Variants in NAV2 observed in about 807,000 individuals in gnomAD.
NAV2 encodes neuron navigator 2.
NAV2 carries 54 observed loss-of-function variants against 223.2 expected under a neutral mutation model. The ratio of observed to expected loss-of-function variants is 0.24; its 90% CI spans 0.19 to 0.30. NAV2 has a LOEUF of 0.30. NAV2 is among the 10% of genes least tolerant of loss of function. The probability of loss-of-function intolerance (pLI) is 1.00; values close to 1 mark genes in which losing one functional copy is unlikely to be tolerated. For synonymous variants in NAV2, 1,279 were observed against 1,239.3 expected (o/e 1.03, Z -0.67); for missense variants, 2,806 against 3,147.5 (o/e 0.89, Z 2.60).
intron 1 of NAV2, among the ~76,000 whole-genome samples, chr11:19,402,777 T>C (rs1849740894): frequency 6.6e-6 from 1 of 152,220 alleles, no homozygotes; most frequent in Non-Finnish European, 1.5e-5. Flanking sequence ...TCACTGTAGT[T>C]ACCTCTGTCT....
intron 1 of NAV2, among the ~76,000 whole-genome samples, chr11:19,752,282 C>T (rs2053890129): frequency 6.6e-6 from 1 of 152,200 alleles, no homozygotes; most frequent in South Asian, 2.1e-4. Flanking sequence ...GAGCCCTGGC[C>T]TGGGTACCTG....
At chr11:19,505,013 T>TGGA (rs1249916441) in intron 1 of NAV2, 7 of 152,294 alleles carry the variant, frequency 4.6e-5, no homozygotes, top group African/African-American at 1.7e-4. Context: ...CCAGGCCTGT[T>TGGA]GGAGTCCAAA....
chr11:19,480,731 T>G lies in NAV2; in HGVS notation c.75+129704T>G, dbSNP rs193240090. Among the ~76,000 whole-genome samples, 261 of 152,320 alleles carry G rather than the reference T, an allele frequency of 1.7e-3. 1 individual carries two copies. Among genetic ancestry groups the G allele is most frequent in the African/African-American group, 4.4e-3 (182 of 41,576 alleles). On this transcript the variant is annotated intron_variant, in intron 1 of 37. Transcript: ENST00000360655. ...TGGGGCTTTATCTCCTCATGCAGAA[T>G]TGATTTGCCATAATTCTCTCCTTTG...
At chr11:19,533,183 A>C (rs1043899558) in intron 1 of NAV2, among the ~76,000 whole-genome samples, 1 of 152,170 alleles carries the variant, frequency 6.6e-6, no homozygotes, top group Non-Finnish European at 1.5e-5. Flanking sequence ...TCAACCAGGA[A>C]TATAGTGTAG....
chr11:19,519,306 T>C (rs1356297541), intron 1 of NAV2, among the ~76,000 whole-genome samples: 2 of 152,038 alleles, frequency 1.3e-5, no homozygotes, highest in Admixed American at 6.5e-5. Context: ...AGGTGCACAG[T>C]TCTGCCTTCA....
At chr11:20,000,803 C>T (rs150214743) in intron 11 of NAV2, among the ~76,000 whole-genome samples, 96 of 152,258 alleles carry the variant, frequency 6.3e-4, no homozygotes, top group African/African-American at 2.2e-3. Context: ...CTGGGACGAA[C>T]GCTTCCTCTC....
intron 1 of NAV2, among the ~76,000 whole-genome samples, chr11:19,424,548 TTTTG>T (rs917298022): frequency 1.1e-4 from 17 of 152,106 alleles, no homozygotes; most frequent in African/African-American, 4.1e-4. Context: ...TTCAGTGTTT[TTTTG>T]TTTGTTTGTT....
intron 1 of NAV2, among the ~76,000 whole-genome samples, chr11:19,386,007 A>G (rs1462335348): frequency 2.6e-5 from 4 of 151,804 alleles, no homozygotes; most frequent in East Asian, 1.9e-4. Flanking sequence ...CTCATGATCC[A>G]CCCGCCCTGG....
intron 1 of NAV2, among the ~76,000 whole-genome samples, chr11:19,788,924 T>C (rs2057331984): frequency 6.6e-6 from 1 of 152,200 alleles, no homozygotes; most frequent in South Asian, 2.1e-4. Flanking sequence ...GAGTCCCTCA[T>C]TTTATCCCTT....
chr11:19,830,316 G>T (rs180670632), intron 1 of NAV2, among the ~76,000 whole-genome samples: 1 of 152,228 alleles, frequency 6.6e-6, no homozygotes, highest in Non-Finnish European at 1.5e-5. Context: ...GGATGCCACG[G>T]AAGGGATGAA....
intron 11 of NAV2, among the ~76,000 whole-genome samples, chr11:19,988,211 C>T (rs1283163776): frequency 3.9e-5 from 6 of 152,314 alleles, no homozygotes; most frequent in South Asian, 2.1e-4. Flanking sequence ...TAGCACACAA[C>T]GGGCTGAGCC....
intron 1 of NAV2, among the ~76,000 whole-genome samples, chr11:19,603,459 C>G (rs1007157033): frequency 1.1e-4 from 16 of 151,812 alleles, no homozygotes; most frequent in African/African-American, 3.6e-4. Flanking sequence ...AATGCCATCT[C>G]TACTAAACTT....
intron 4 of NAV2, among the ~76,000 whole-genome samples, chr11:19,877,470 C>CTTTTTTTTTTTTTTTTTTTTTTTTTTCT (rs1289323253): frequency 2.4e-5 from 2 of 82,616 alleles, no homozygotes; most frequent in East Asian, 3.3e-4. Flanking sequence ...TATCTTCATT[C>CTTTTTTTTTTTTTTTTTTTTTTTTTTCT]TTTTTTTTTT....
intron 1 of NAV2, among the ~76,000 whole-genome samples, chr11:19,536,306 C>G (rs947751574): frequency 2.0e-5 from 3 of 152,174 alleles, no homozygotes; most frequent in African/African-American, 7.2e-5. Context: ...TCAAAGATCT[C>G]TCTCTGTCGA....
At chr11:19,841,584 A>C (rs953914787) in intron 2 of NAV2, among the ~76,000 whole-genome samples, 7 of 152,208 alleles carry the variant, frequency 4.6e-5, no homozygotes, top group Non-Finnish European at 1.0e-4. Flanking sequence ...GGAAACAAGA[A>C]AAGGAGGAAT....
chr11:20,081,603 G>T (rs1457247098), intron 25 of NAV2, among the ~76,000 whole-genome samples: 2 of 152,116 alleles, frequency 1.3e-5, no homozygotes, highest in Non-Finnish European at 2.9e-5. Context: ...TAATCCTTCT[G>T]TTTCTGTGAC....
chr11:19,377,620 G>T (rs912012385), intron 1 of NAV2, among the ~76,000 whole-genome samples: 3 of 152,164 alleles, frequency 2.0e-5, no homozygotes, highest in Admixed American at 6.5e-5. Flanking sequence ...ATATGAGGGG[G>T]AATTGTGGAC....
intron 1 of NAV2, among the ~76,000 whole-genome samples, chr11:19,792,974 C>T (rs1209971699): frequency 1.3e-5 from 2 of 151,306 alleles, no homozygotes; most frequent in African/African-American, 4.9e-5. Flanking sequence ...TTTGGGAGGC[C>T]GAGGTGGGTG....
chr11:19,772,282 A>C (rs184650545), intron 1 of NAV2, among the ~76,000 whole-genome samples: 1 of 152,196 alleles, frequency 6.6e-6, no homozygotes, highest in Non-Finnish European at 1.5e-5. Flanking sequence ...CATTTCCTGC[A>C]TGTAATATGA....
Sources: gnomAD v4.1 joint callset for allele counts (sites outside exome capture counted in the v4.1 genomes callset) on GRCh38, gnomAD v4.1.1 for gene constraint, MANE v1.5 for transcripts, NCBI Gene and HGNC (gene_info 2026-07-23, HGNC 2026-07-21) for gene names.